NAV2: variants seen among roughly 807,000 people sequenced by gnomAD.
NAV2 encodes the protein helicase, APC down-regulated 1.
A neutral mutation model predicts 223.2 loss-of-function variants in NAV2; 54 were observed. The observed-to-expected ratio is 0.24, with a 90% CI of 0.19 to 0.30. The LOEUF is 0.30. Ranked by LOEUF, NAV2 falls within the 10% of genes least tolerant of loss-of-function variation. NAV2 has a pLI of 1.00. For missense variants in NAV2, 2,806 were observed against 3,147.5 expected (o/e 0.89, Z 2.60); for synonymous variants, 1,279 against 1,239.3 (o/e 1.03, Z -0.67).
chr11:19,506,811 T>G (rs2043136154), intron 1 of NAV2: 1 of 152,186 alleles, frequency 6.6e-6, no homozygotes, highest in Non-Finnish European at 1.5e-5. Flanking sequence ...TGCTTTGTCC[T>G]CACACAAAAC....
chr11:19,561,431 A>G (rs995725706), intron 1 of NAV2, among the ~76,000 whole-genome samples: 1 of 152,192 alleles, frequency 6.6e-6, no homozygotes, highest in Non-Finnish European at 1.5e-5. Flanking sequence ...CTTCACATAC[A>G]TATATGAAAT....
chr11:19,573,011 T>C (rs915362348), intron 1 of NAV2, among the ~76,000 whole-genome samples: 5 of 152,190 alleles, frequency 3.3e-5, no homozygotes, highest in Admixed American at 3.3e-4. Flanking sequence ...CACAATCTAA[T>C]TTTCTCATTA....
intron 20 of NAV2, among the ~76,000 whole-genome samples, chr11:20,065,430 C>T (rs1374047069): frequency 6.6e-6 from 1 of 152,226 alleles, no homozygotes; most frequent in Non-Finnish European, 1.5e-5. Flanking sequence ...AAAGATTACA[C>T]AGTGCTAAAT....
chr11:19,671,791 G>A (rs571174284), intron 1 of NAV2, among the ~76,000 whole-genome samples: 5 of 152,310 alleles, frequency 3.3e-5, no homozygotes, highest in South Asian at 4.1e-4. Context: ...GGGGCCAGAC[G>A]AAAACAGGCC....
At chr11:19,877,470 C>CTTTTTTTTTTTTTTCTTTTTTCTTTTCT (rs1555114909) in intron 4 of NAV2, among the ~76,000 whole-genome samples, 13,579 of 81,430 alleles carry the variant, frequency 0.17, 2,080 homozygotes, top group South Asian at 0.3. Flanking sequence ...TATCTTCATT[C>CTTTTTTTTTTTTTTCTTTTTTCTTTTCT]TTTTTTTTTT....
At chr11:19,578,831 C>G (rs1056848962) in intron 1 of NAV2, among the ~76,000 whole-genome samples, 3 of 152,112 alleles carry the variant, frequency 2.0e-5, no homozygotes, top group African/African-American at 7.2e-5. Context: ...CCTAAAATAT[C>G]TACCCTCTGG....
chr11:19,390,929 A>G (rs1309549986), intron 1 of NAV2, among the ~76,000 whole-genome samples: 2 of 152,160 alleles, frequency 1.3e-5, no homozygotes, highest in Non-Finnish European at 2.9e-5. Context: ...AATTGATCCT[A>G]TGAGCTCAGT....
chr11:20,075,288 A>T (rs1346172665), intron 22 of NAV2, among the ~76,000 whole-genome samples: 1 of 151,574 alleles, frequency 6.6e-6, no homozygotes, highest in Non-Finnish European at 1.5e-5. Context: ...CAGTGGCACA[A>T]TCTTGGCTCA....
At chr11:20,099,220 G>A (rs1390982349) in intron 31 of NAV2, among the ~76,000 whole-genome samples, 1 of 152,158 alleles carries the variant, frequency 6.6e-6, no homozygotes, top group Admixed American at 6.5e-5. Flanking sequence ...GCTCCCCATG[G>A]GAAAGAAGAG....
At chr11:19,546,270 C>T (rs914064086) in intron 1 of NAV2, among the ~76,000 whole-genome samples, 1 of 152,214 alleles carries the variant, frequency 6.6e-6, no homozygotes, top group Non-Finnish European at 1.5e-5. Context: ...AGACTTGAAC[C>T]CCAGCTCAGA....
At chr11:19,896,438 A>G (rs990128346) in intron 6 of NAV2, among the ~76,000 whole-genome samples, 4 of 152,200 alleles carry the variant, frequency 2.6e-5, no homozygotes, top group African/African-American at 9.7e-5. Flanking sequence ...CTTTTTGTGT[A>G]TGGGACAGAG....
intron 1 of NAV2, among the ~76,000 whole-genome samples, chr11:19,513,480 A>G (rs1417555993): frequency 2.6e-5 from 4 of 152,190 alleles, no homozygotes; most frequent in Non-Finnish European, 5.9e-5. Context: ...TGGAGGGGAC[A>G]GAGTGGTGTC....
At chr11:19,922,378 GTCTCT>G (rs1467852869) in intron 6 of NAV2, among the ~76,000 whole-genome samples, 1 of 152,224 alleles carries the variant, frequency 6.6e-6, no homozygotes, top group South Asian at 2.1e-4. Flanking sequence ...AAAGCTGAGG[GTCTCT>G]GTCATTTTGG....
At chr11:19,931,804 T>C (rs574185463) in intron 6 of NAV2, 31 of 152,400 alleles carry the variant, frequency 2.0e-4, no homozygotes, top group African/African-American at 7.0e-4. Flanking sequence ...AGTCATGTCA[T>C]TGTGAGTTTG....
At chr11:19,945,332 C>A (rs1472389353) in intron 8 of NAV2, among the ~76,000 whole-genome samples, 1 of 130,410 alleles carries the variant, frequency 7.7e-6, no homozygotes, top group Non-Finnish European at 1.7e-5. Flanking sequence ...TTCCTTCTTT[C>A]CTTTCTTTCC....
chr11:19,358,644 T>C (rs1346026125), intron 1 of NAV2, among the ~76,000 whole-genome samples: 2 of 152,186 alleles, frequency 1.3e-5, no homozygotes, highest in Non-Finnish European at 2.9e-5. Context: ...GAAGCCATCA[T>C]AGAGGTACCA....
rs145944150 is a variant in NAV2 at position 19,559,677 on chromosome 11, G to T, written c.75+208650G>T. On this transcript the variant is annotated intron_variant, in intron 1 of 37. Transcript: ENST00000360655. ...GCAATAGCCATTTTCAAGTCTTCAA[G>T]AAGCGTCTATTGATGTGAATGTTAA... Among the ~76,000 whole-genome samples the T allele has an allele frequency of 7.2e-5, 11 of 152,302 alleles. No individual in the cohort carries two copies. In the South Asian group the frequency reaches 1.9e-3, roughly 26 times the overall value.
chr11:20,090,783 A>C, intron 26 of NAV2, 82 bp from the exon 27 acceptor site: 1 of 1,470,426 alleles, frequency 6.8e-7, no homozygotes, highest in Non-Finnish European at 9.2e-7. Context: ...ACTGCTAAAC[A>C]AACCTGATGA....
intron 5 of NAV2, 130 bp from the exon 6 acceptor site, chr11:19,892,304 G>A: frequency 1.2e-6 from 1 of 827,514 alleles, no homozygotes; most frequent in East Asian, 2.9e-5. Flanking sequence ...ACCAAATTCT[G>A]TGACTGGCAA....
Sources: gnomAD v4.1 joint callset for allele counts (sites outside exome capture counted in the v4.1 genomes callset) on GRCh38, gnomAD v4.1.1 for gene constraint, MANE v1.5 for transcripts, NCBI Gene and HGNC (gene_info 2026-07-23, HGNC 2026-07-21) for gene names.